Variants in GLB1 observed in about 807,000 individuals in gnomAD.
GLB1 encodes galactosidase beta 1, also known as beta-galactosidase.
In GLB1, 56 loss-of-function variants were observed where a neutral mutation model predicts 74.0. That is an observed-to-expected ratio of 0.76 (90% CI 0.61 to 0.94). The LOEUF (loss-of-function observed/expected upper bound fraction) is 0.94, where lower values mean the gene tolerates loss of function less well. Ranked by LOEUF, GLB1 falls within the 40% of genes least tolerant of loss-of-function variation. GLB1 has a pLI of 0.00. For synonymous variants in GLB1, 323 were observed against 323.6 expected (o/e 1.00, Z 0.02); for missense variants, 787 against 845.5 (o/e 0.93, Z 0.86).
chr3:33,034,365 T>C (rs1170816663), intron 10 of GLB1: 15 of 758,556 alleles, frequency 2.0e-5, no homozygotes, highest in East Asian at 9.8e-5. Context: ...GGAAGCCTCA[T>C]AGACCAGCTG....
chr3:33,042,231 T>C (rs948460877), intron 10 of GLB1, among the ~76,000 whole-genome samples: 1 of 152,172 alleles, frequency 6.6e-6, no homozygotes, highest in Non-Finnish European at 1.5e-5. Flanking sequence ...TCTGCTTTAA[T>C]AGAATGCTTT....
chr3:33,089,119 C>T (rs1353166564), intron 1 of GLB1, among the ~76,000 whole-genome samples: 1 of 152,108 alleles, frequency 6.6e-6, no homozygotes, highest in Non-Finnish European at 1.5e-5. Context: ...TTATACCATA[C>T]ACAAAAATTA....
intron 1 of GLB1, among the ~76,000 whole-genome samples, chr3:33,074,366 AAGGAAGGAAGGAAGGAAGG>A (rs1559412862): frequency 7.3e-5 from 9 of 123,910 alleles, no homozygotes; most frequent in African/African-American, 2.6e-4. Context: ...GGAAGGAAGG[AAGGAAGGAAGGAAGGAAGG>A]AAGGAAGAAA....
Position 33,014,143 on chromosome 3 carries a change from C to T in GLB1, c.1647G>A (p.Pro549=), listed in dbSNP as rs772573490. 1.5e-5 allele frequency: 24 copies of T among 1,613,980 alleles called. 1 individual carries two copies. The highest frequency in any genetic ancestry group is 3.3e-4 in the Middle Eastern group (2 of 6,080). The change falls in exon 15 of 16, where the codon CCG becomes CCA. Residue 549 remains proline (P), a synonymous_variant. Coordinates refer to ENST00000307363, the MANE Select transcript of GLB1 (RefSeq NM_000404.4). ...TGGAGAAGTTCCCCATATAAAAGGC[C>T]GGGAGCGTGTAGTTGGATGAGTTGT... ...WAHNSSNYTL[P]AFYMGNFSIP...
chr3:32,979,653 G>A, the GLB1 span, among the ~76,000 whole-genome samples: 1 of 151,692 alleles, frequency 6.6e-6, no homozygotes, highest in Admixed American at 6.6e-5. Context: ...AAGACTTTGA[G>A]ACCAGCCTGA....
At chr3:33,030,853 T>C (rs1448175793) in intron 10 of GLB1, 1 of 983,252 alleles carries the variant, frequency 1.0e-6, no homozygotes, top group African/African-American at 1.7e-5. Flanking sequence ...GGGTCTTAAG[T>C]TGATTTGACA....
At chr3:32,997,373 A>G in intron 15 of GLB1, 29 bp from the exon 16 acceptor site, 2 of 1,611,342 alleles carry the variant, frequency 1.2e-6, no homozygotes, top group Non-Finnish European at 1.7e-6. Context: ...AGAACCATCA[A>G]CCCCAGATGC....
intron 15 of GLB1, 112 bp downstream of exon 15, chr3:33,013,944 C>T (rs1697131112): frequency 2.5e-6 from 4 of 1,571,028 alleles, no homozygotes; most frequent in East Asian, 4.6e-5. Context: ...CGAAACGCCA[C>T]ACTCAAAACC....
intron 1 of GLB1, among the ~76,000 whole-genome samples, chr3:33,083,696 G>A (rs992387487): frequency 5.3e-5 from 8 of 152,024 alleles, no homozygotes; most frequent in Non-Finnish European, 1.2e-4. Context: ...AAGGCTCCCC[G>A]TTAACGCATC....
chr3:33,059,181 C>T lies in GLB1; in HGVS notation c.553-912G>A, dbSNP rs985261350. 7.9e-5 allele frequency among the ~76,000 whole-genome samples: 12 copies of T among 151,190 alleles called. No homozygotes were observed. The East Asian group carries it at 1.4e-3, about 17-fold the overall frequency. The stretch of plus-strand genomic sequence containing the variant: ...CATTCCCAGTGAGGTGGGTAGCATC[C>T]CCAAGGGGGTAAAAATTGATGCTTT... On this transcript the variant is annotated intron_variant, in intron 5 of 15. Coordinates refer to ENST00000307363, the MANE Select transcript of GLB1 (RefSeq NM_000404.4).
At chr3:32,974,937 G>A in the GLB1 span, among the ~76,000 whole-genome samples, 10 of 152,088 alleles carry the variant, frequency 6.6e-5, no homozygotes, top group African/African-American at 1.4e-4. Context: ...AAATGTCTGC[G>A]CACCCTGTAA....
At chr3:33,063,706 A>G (rs796952678) in intron 5 of GLB1, among the ~76,000 whole-genome samples, 5 of 152,354 alleles carry the variant, frequency 3.3e-5, no homozygotes, top group African/African-American at 9.6e-5. Flanking sequence ...GCCAGAAGAA[A>G]GGAAGAAGAC....
chr3:33,046,506 C>T (rs1457735625), intron 9 of GLB1, among the ~76,000 whole-genome samples: 1 of 152,050 alleles, frequency 6.6e-6, no homozygotes, highest in African/African-American at 2.4e-5. Flanking sequence ...GCAGGTATCA[C>T]CCCCACTGGA....
chr3:33,061,038 T>TG (rs1416889551), intron 5 of GLB1, among the ~76,000 whole-genome samples: 1 of 152,228 alleles, frequency 6.6e-6, no homozygotes, highest in East Asian at 1.9e-4. Flanking sequence ...TGAAAAGGCT[T>TG]GAAAAACCCA....
At position 33,088,368 on chromosome 3, in the gene GLB1, TACACACAC is replaced by T. The variant is rs55949952; in HGVS notation, c.75+8635_75+8642del. ...CTTAGATGTAGGAAACCCTAAAGAC[TACACACAC>T]ACACACACACACACACACACACACA... is the stretch of plus-strand genomic sequence containing the variant. On this transcript the variant is annotated intron_variant, in intron 1 of 15. Transcript: ENST00000307363. Among the ~76,000 whole-genome samples, 1,358 of 141,472 alleles carry T rather than the reference TACACACAC, an allele frequency of 9.6e-3. 5 individuals carry two copies. Among genetic ancestry groups the T allele is most frequent in the South Asian group, 0.034 (145 of 4,320 alleles). 92.8% of individuals were successfully genotyped at this position (141,472 alleles called of 152,430 possible).
chr3:33,040,246 CA>C (rs1401415699), intron 10 of GLB1, among the ~76,000 whole-genome samples: 4 of 151,872 alleles, frequency 2.6e-5, no homozygotes, highest in Non-Finnish European at 2.9e-5. Flanking sequence ...TTCTGTAGTA[CA>C]AAAAAAATCC....
chr3:33,061,091 T>C (rs1291759872), intron 5 of GLB1, among the ~76,000 whole-genome samples: 2 of 152,194 alleles, frequency 1.3e-5, no homozygotes, highest in African/African-American at 2.4e-5. Flanking sequence ...CCGATGTTTC[T>C]AGAGCAGGAG....
chr3:32,971,303 C>T, the GLB1 span, among the ~76,000 whole-genome samples: 2 of 152,172 alleles, frequency 1.3e-5, no homozygotes, highest in Non-Finnish European at 2.9e-5. Flanking sequence ...CTTGGAGTTC[C>T]ACTACTAATT....
chr3:33,019,687 A>G (rs1479333843), intron 12 of GLB1, among the ~76,000 whole-genome samples: 1 of 152,124 alleles, frequency 6.6e-6, no homozygotes, highest in Non-Finnish European at 1.5e-5. Flanking sequence ...CTTCTGGTTC[A>G]TTTATTTACT....
Sources: gnomAD v4.1 joint callset for allele counts (sites outside exome capture counted in the v4.1 genomes callset) on GRCh38, gnomAD v4.1.1 for gene constraint, MANE v1.5 for transcripts, NCBI Gene and HGNC (gene_info 2026-07-23, HGNC 2026-07-21) for gene names.